Variants in FNDC5 observed in about 807,000 individuals in gnomAD.
FNDC5 encodes the protein fibronectin type III domain containing 5.
Under a neutral mutation model 24.6 loss-of-function variants are expected in FNDC5, and 10 were observed. The ratio of observed to expected loss-of-function variants is 0.41; its 90% CI spans 0.25 to 0.69. FNDC5 has a LOEUF of 0.69. FNDC5 is among the 30% of genes least tolerant of loss of function. The probability of loss-of-function intolerance (pLI) is 0.34; values close to 1 mark genes in which losing one functional copy is unlikely to be tolerated. For missense variants in FNDC5, 226 were observed against 282.9 expected, an observed-to-expected ratio of 0.80 and a Z score of 1.44; for synonymous variants, 90 against 110.7, an observed-to-expected ratio of 0.81 and a Z score of 1.18.
upstream of FNDC5, chr1:32,870,977 C>T (rs1429134589): frequency 6.7e-6 from 1 of 148,776 alleles, no homozygotes; most frequent in Admixed American, 6.7e-5. Flanking sequence ...GGCGCCCCCG[C>T]TGCGGGGAGA....
rs1641005531 is a variant in FNDC5, at chr1:32,863,719, T to C, written c.*575A>G. ...CAGCTGAGAAGAAAAATGGAATCCT[T>C]CTCCCTGCAGACAGGCAGTCACGCT... On this transcript the variant is annotated 3_prime_UTR_variant, in exon 6 of 6. Coordinates refer to ENST00000373471, the MANE Select transcript of FNDC5 (RefSeq NM_153756.3). The C allele has an allele frequency of 7.7e-7, 1 of 1,304,296 alleles. No individual in the cohort carries two copies. The highest frequency in any genetic ancestry group is 1.0e-6 in the Non-Finnish European group (1 of 988,958). The allele number at this position is 1,304,296 out of a possible 1,614,324, so 80.8% of individuals were successfully genotyped here. A position where few individuals can be genotyped will look rare whatever the true frequency, so the allele number is the denominator to read the frequency against.
At chr1:32,870,987 A>T (rs1641175130), upstream of FNDC5, 3 of 146,414 alleles carry the variant, frequency 2.0e-5, no homozygotes, top group African/African-American at 7.5e-5. Flanking sequence ...CTGCGGGGAG[A>T]GGTGCGGGGG....
chr1:32,870,573 A>T, intron 1 of FNDC5, 80 bp downstream of exon 1: 1 of 899,136 alleles, frequency 1.1e-6, no homozygotes, highest in Non-Finnish European at 1.4e-6. Context: ...GGGGGCAGAG[A>T]AAGGACCAGG....
At position 32,863,003 on chromosome 1, in the gene FNDC5, G is replaced by A. The variant is rs1409104174; in HGVS notation, c.*1291C>T. On this transcript the variant is annotated 3_prime_UTR_variant, in exon 6 of 6. Coordinates refer to ENST00000373471, the MANE Select transcript of FNDC5 (RefSeq NM_153756.3). ...TTCCAGCAGCTTCTACTCCAGAAGG[G>A]GTGTTTTGGTAGCCCCCAGAATGCC... 6.5e-6 allele frequency: 1 copy of A among 152,716 alleles called. No homozygotes were observed. Among genetic ancestry groups the A allele is most frequent in the Non-Finnish European group, 1.5e-5 (1 of 68,128 alleles). 9.5% of individuals were successfully genotyped at this position (152,716 alleles called of 1,614,324 possible).
intron 5 of FNDC5, 105 bp downstream of exon 5, chr1:32,864,559 C>T: frequency 3.2e-6 from 5 of 1,573,484 alleles, no homozygotes; most frequent in Non-Finnish European, 4.3e-6. Context: ...CTGGCTCTGC[C>T]CAGCTGTCGC....
Position 32,869,089 on chromosome 1 carries a change from G to A in FNDC5, c.95-92C>T, listed in dbSNP as rs184201567. On this transcript the variant is annotated intron_variant, in intron 1 of 5. Coordinates refer to ENST00000373471, the MANE Select transcript of FNDC5 (RefSeq NM_153756.3). ...AAGTAAGAAGGGGAAACCTGGGGAA[G>A]GCCATGCAGGAGGGGAAGGAAGAAA... 5.1e-5 allele frequency: 33 copies of A among 644,964 alleles called. No individual in the cohort carries two copies. In the East Asian group the frequency reaches 1.1e-3, roughly 22 times the overall value. The allele number at this position is 644,964 out of a possible 1,614,324, so 40.0% of individuals were successfully genotyped here.
At position 32,868,851 on chromosome 1, in the gene FNDC5, T is replaced by G. The variant is rs1277726318; in HGVS notation, c.210+31A>C. On this transcript the variant is annotated intron_variant, in intron 2 of 5. Coordinates refer to ENST00000373471, the MANE Select transcript of FNDC5 (RefSeq NM_153756.3). This position sits in a 1 kb window ranked among gnomAD's most constrained non-coding sequence, Gnocchi z 4.8. ...CATCTGCCACTACTGTCTTGATGTG[T>G]CCTTCCCTCCTAAGGACAGTGGAGC... 2.4e-6 allele frequency: 3 copies of G among 1,227,302 alleles called. No homozygotes were observed. Among genetic ancestry groups the G allele is most frequent in the Non-Finnish European group, 3.1e-6 (3 of 976,890 alleles). The allele number at this position is 1,227,302 out of a possible 1,614,324, so 76.0% of individuals were successfully genotyped here.
chr1:32,866,769 G>C (rs1387655692), intron 4 of FNDC5, among the ~76,000 whole-genome samples: 1 of 152,226 alleles, frequency 6.6e-6, no homozygotes, highest in Non-Finnish European at 1.5e-5. Context: ...GCTTCGCCCA[G>C]ATAGTTCTTT....
chr1:32,868,409 C>T lies in FNDC5; in HGVS notation c.211-21G>A, dbSNP rs922689293. The T allele has an allele frequency of 2.0e-5, 32 of 1,607,962 alleles. No homozygotes were observed. Among genetic ancestry groups the T allele is most frequent in the Non-Finnish European group, 2.6e-5 (31 of 1,175,732 alleles). ...TTCTTCTGCAGACAAGCGCCGGTCA[C>T]TGCTGTCAACACTCGGTGACCAGCC... is the stretch of plus-strand genomic sequence containing the variant. On this transcript the variant is annotated intron_variant, in intron 2 of 5. Transcript: ENST00000373471. The surrounding 1 kb of genome is among the most constrained non-coding windows in gnomAD (Gnocchi z 4.8).
chr1:32,866,994 G>A (rs1000007957), intron 4 of FNDC5, among the ~76,000 whole-genome samples: 7 of 152,146 alleles, frequency 4.6e-5, no homozygotes, highest in African/African-American at 1.7e-4. Context: ...GGAGGCTAAG[G>A]CATGAGGATC....
Position 32,864,815 on chromosome 1 carries a change from A to C in FNDC5, c.500-18T>G. On this transcript the variant is annotated intron_variant, in intron 4 of 5. Coordinates refer to ENST00000373471, the MANE Select transcript of FNDC5 (RefSeq NM_153756.3). The stretch of plus-strand genomic sequence containing the variant: ...AATGACACCTGAGGGGGGACAAGTG[A>C]GCAGTCAGAGGCCAGAGCCTGGGTT... 1.9e-6 allele frequency: 3 copies of C among 1,613,538 alleles called. No homozygotes were observed. Among genetic ancestry groups the C allele is most frequent in the Non-Finnish European group, 2.5e-6 (3 of 1,179,924 alleles).
Position 32,864,683 on chromosome 1 carries a change from C to T in FNDC5, c.614G>A (p.Gly205Glu), listed in dbSNP as rs1333468560. The T allele has an allele frequency of 6.2e-7, 1 of 1,614,128 alleles. No homozygotes were observed. The highest frequency in any genetic ancestry group is 1.1e-5 in the South Asian group (1 of 91,076). ...CCTCACCTTGCTGCGGAGAAGCCCC[C>T]CGCCCTGGTGCTCTGGTGTGCTGGT... is the stretch of plus-strand genomic sequence containing the variant. Residue 205 changes from glycine (G) to glutamate (E), a missense_variant, in exon 5 of 6, where the codon GGG (glycine) becomes GAG (glutamate). Physicochemically the swap from Gly to Glu is moderately conservative, Grantham distance 98. Transcript: ENST00000373471.
chr1:32,864,669 T>C lies in FNDC5; in HGVS notation c.628A>G (p.Ser210Gly), dbSNP rs769391902. 1.2e-5 allele frequency: 20 copies of C among 1,613,932 alleles called. No individual in the cohort carries two copies. The highest frequency in any genetic ancestry group is 1.6e-5 in the Non-Finnish European group (19 of 1,180,030). Reference sequence around the variant, plus strand: ...GGCCCAGGTCTTGCCCTCACCTTGCTGCGGAGAAGCCCCCCGCCCTGGTGC... The same window carrying C: ...GGCCCAGGTCTTGCCCTCACCTTGCCGCGGAGAAGCCCCCCGCCCTGGTGC... The change falls in exon 5 of 6, where the codon AGC becomes GGC. Residue 210 changes from serine (S) to glycine (G), a missense_variant. Physicochemically the swap from Ser to Gly is moderately conservative, Grantham distance 56 (BLOSUM62 0). Coordinates refer to ENST00000373471, the MANE Select transcript of FNDC5 (RefSeq NM_153756.3).
chr1:32,865,663 C>CA (rs1160892227), intron 4 of FNDC5, among the ~76,000 whole-genome samples: 1 of 151,912 alleles, frequency 6.6e-6, no homozygotes, highest in Non-Finnish European at 1.5e-5. Context: ...GAAAAACAAA[C>CA]AAAAAAACCT....
intron 4 of FNDC5, among the ~76,000 whole-genome samples, chr1:32,866,625 T>G (rs566981666): frequency 6.6e-6 from 1 of 152,180 alleles, no homozygotes; most frequent in Non-Finnish European, 1.5e-5. Context: ...CCCACAGTTA[T>G]TCCCTCTCCT....
chr1:32,863,540 T>G lies in FNDC5; in HGVS notation c.*754A>C, dbSNP rs966118263. ...CAGAATGGGGCCAGGCCTTTTAGTT[T>G]TGTGGCTTATTTTTATTTTTTTGCA... On this transcript the variant is annotated 3_prime_UTR_variant, in exon 6 of 6. Coordinates refer to ENST00000373471, the MANE Select transcript of FNDC5 (RefSeq NM_153756.3). The G allele has an allele frequency of 2.2e-6, 1 of 449,488 alleles. No individual in the cohort carries two copies. The highest frequency in any genetic ancestry group is 3.8e-6 in the Non-Finnish European group (1 of 260,010). The allele number at this position is 449,488 out of a possible 1,614,324, so 27.8% of individuals were successfully genotyped here. A position where few individuals can be genotyped will look rare whatever the true frequency, so the allele number is the denominator to read the frequency against.
chr1:32,868,188 G>A lies in FNDC5; in HGVS notation c.409+2C>T. On this transcript the variant is annotated splice_donor_variant, in intron 3 of 5. Coordinates refer to ENST00000373471, the MANE Select transcript of FNDC5 (RefSeq NM_153756.3). LOFTEE classifies it low-confidence loss of function (GC_TO_GT_DONOR). The surrounding 1 kb of genome is among the most constrained non-coding windows in gnomAD (Gnocchi z 4.8). ...TTCCTCTTAACAGTGACCCGGGCCT[G>A]CCTTTGTTCTTGGAGGCCATCTTCT... 1 of 1,613,952 alleles carries A rather than the reference G, an allele frequency of 6.2e-7. No individual in the cohort carries two copies. Among genetic ancestry groups the A allele is most frequent in the Non-Finnish European group, 8.5e-7 (1 of 1,179,994 alleles).
rs1460385653 is a variant in FNDC5 at position 32,868,518 on chromosome 1, C to A, written c.211-130G>T. The A allele has an allele frequency of 1.0e-5, 11 of 1,070,886 alleles. No individual in the cohort carries two copies. The highest frequency in any genetic ancestry group is 1.5e-5 in the Non-Finnish European group (11 of 754,160). 66.3% of individuals were successfully genotyped at this position (1,070,886 alleles called of 1,614,324 possible). A position where few individuals can be genotyped will look rare whatever the true frequency, so the allele number is the denominator to read the frequency against. On this transcript the variant is annotated intron_variant, in intron 2 of 5. Transcript: ENST00000373471. The surrounding 1 kb of genome is among the most constrained non-coding windows in gnomAD (Gnocchi z 4.8). ...CCATCACCTCCGCTATCAATATCTCCATTTTACAGGGAAGGAAACAGGTTC... is the reference window on the plus strand; with the variant it reads ...CCATCACCTCCGCTATCAATATCTCAATTTTACAGGGAAGGAAACAGGTTC...
In FNDC5 at chr1:32,867,769, G is replaced by C. The variant is rs1366912662; in HGVS notation, c.483C>G (p.Val161=). ...CAGACTCACCTGCCCACATGAACAG[G>C]ACCACGACGATGATCAGCACCTCGC... The change falls in exon 4 of 6, where the codon GTC becomes GTG. Residue 161 remains valine, a synonymous_variant. Coordinates refer to ENST00000373471, the MANE Select transcript of FNDC5 (RefSeq NM_153756.3). 6.2e-7 allele frequency: 1 copy of C among 1,613,970 alleles called. No homozygotes were observed. Among genetic ancestry groups the C allele is most frequent in the East Asian group, 2.2e-5 (1 of 44,868 alleles).
Sources: gnomAD v4.1 joint callset for allele counts (sites outside exome capture counted in the v4.1 genomes callset) on GRCh38, gnomAD v4.1.1 for gene constraint, Gnocchi (gnomAD v3.1) non-coding constraint, MANE v1.5 for transcripts, NCBI Gene and HGNC (gene_info 2026-07-23, HGNC 2026-07-21) for gene names.